Variants in DST observed in about 807,000 individuals in gnomAD.
The protein encoded by DST is dystonin.
Under a neutral mutation model 875.2 loss-of-function variants are expected in DST, and 253 were observed. The ratio of observed to expected loss-of-function variants is 0.29; its 90% CI spans 0.26 to 0.32. The LOEUF (loss-of-function observed/expected upper bound fraction) is 0.32, where lower values mean the gene tolerates loss of function less well. Ranked by LOEUF, DST falls within the 10% of genes least tolerant of loss-of-function variation. The pLI, the probability that DST is intolerant of heterozygous loss-of-function variation, is 1.00. For synonymous variants in DST, 3,124 were observed against 3,197.1 expected, an observed-to-expected ratio of 0.98 and a Z score of 0.77; for missense variants, 8,287 against 9,111.6, an observed-to-expected ratio of 0.91 and a Z score of 3.68.
chr6:56,555,909 C>T (rs1018173079), intron 59 of DST, 69 bp from the exon 60 acceptor site: 2 of 1,352,706 alleles, frequency 1.5e-6, no homozygotes, highest in Non-Finnish European at 1.9e-6. Flanking sequence ...GATTTGGTGT[C>T]CAAACAGACA....
chr6:56,636,802 C>T, intron 22 of DST, 150 bp from the exon 23 acceptor site: 1 of 732,260 alleles, frequency 1.4e-6, no homozygotes, highest in Non-Finnish European at 2.4e-6. Context: ...AGGGCAGTGG[C>T]TGGGCATGGT....
intron 9 of DST, among the ~76,000 whole-genome samples, chr6:56,674,855 C>G (rs1026006384): frequency 6.6e-6 from 1 of 152,174 alleles, no homozygotes; most frequent in East Asian, 1.9e-4. Flanking sequence ...TCTACAGATT[C>G]AATGCAATCC....
intron 66 of DST, 48 bp downstream of exon 66, chr6:56,529,400 T>A: frequency 7.5e-7 from 1 of 1,335,868 alleles, no homozygotes; most frequent in Non-Finnish European, 9.8e-7. Context: ...TAAGAAATAA[T>A]GACAATTGAA....
rs2097800179 is a variant in DST at position 56,573,060 on chromosome 6, A to G, written c.13241T>C (p.Leu4414Ser). 6.5e-7 allele frequency: 1 copy of G among 1,548,688 alleles called. No homozygotes were observed. The highest frequency in any genetic ancestry group is 1.4e-5 in the African/African-American group (1 of 72,308). The change falls in exon 52 of 104, where the codon TTG (leucine) becomes TCG (serine). Residue 4414 changes from leucine (L) to serine (S), a missense_variant. Physicochemically the swap from Leu to Ser is moderately radical, Grantham distance 145. Coordinates refer to ENST00000680361, the MANE Select transcript of DST (RefSeq NM_001374736.1). Reference protein sequence around the residue: ...LQDIISKNIMLEQDIAGRQSS... With the variant: ...LQDIISKNIMSEQDIAGRQSS... ...CTGACGACCTGCAATATCCTGTTCC[A>G]ACATCTAAAATAAACCAAATATTGC...
At chr6:56,787,483 T>C (rs533740067) in intron 4 of DST, among the ~76,000 whole-genome samples, 23 of 152,326 alleles carry the variant, frequency 1.5e-4, no homozygotes, top group African/African-American at 5.5e-4. Context: ...CAAAATAGCT[T>C]GAAGTATTTT....
At position 56,557,334 on chromosome 6, in the gene DST, T is replaced by C. The variant is rs1307688143; in HGVS notation, c.14625A>G (p.Gln4875=). ...LSIDPNMLNT[Q]RQQVQILLQE... ...TAATACTCACCTGCACCTGCTGCCT[T>C]TGTGTGTTTAGCATATTTGGGTCAA... Residue 4875 remains glutamine (Q), a synonymous_variant, in exon 59 of 104, where the codon CAA becomes CAG. Coordinates refer to ENST00000680361, the MANE Select transcript of DST (RefSeq NM_001374736.1). 2 of 1,612,930 alleles carry C rather than the reference T, an allele frequency of 1.2e-6. No individual in the cohort carries two copies. Among genetic ancestry groups the C allele is most frequent in the Non-Finnish European group, 1.7e-6 (2 of 1,179,568 alleles).
At chr6:56,499,430 C>A (rs2073875467) in intron 80 of DST, among the ~76,000 whole-genome samples, 1 of 152,070 alleles carries the variant, frequency 6.6e-6, no homozygotes, top group African/African-American at 2.4e-5. Flanking sequence ...CTCTCAGAAT[C>A]AAAAAGTTAA....
At chr6:56,908,028 C>T (rs1381856400) in intron 2 of DST, among the ~76,000 whole-genome samples, 3 of 151,862 alleles carry the variant, frequency 2.0e-5, no homozygotes, top group Admixed American at 2.0e-4. Context: ...AAGATTGCAC[C>T]ACTGCACTCC....
At chr6:56,916,854 C>G (rs934986861) in intron 2 of DST, among the ~76,000 whole-genome samples, 1 of 149,614 alleles carries the variant, frequency 6.7e-6, no homozygotes, top group African/African-American at 2.5e-5. Flanking sequence ...GCTATTCAGG[C>G]TTTTGGGCTG....
chr6:56,867,865 G>GA (rs1488551196), intron 3 of DST, among the ~76,000 whole-genome samples: 1 of 151,962 alleles, frequency 6.6e-6, no homozygotes, highest in Non-Finnish European at 1.5e-5. Flanking sequence ...TCTCATTTCA[G>GA]AAAAAACTAT....
chr6:56,911,203 G>C (rs1269931749), intron 2 of DST, among the ~76,000 whole-genome samples: 1 of 152,178 alleles, frequency 6.6e-6, no homozygotes, highest in Non-Finnish European at 1.5e-5. Flanking sequence ...GGAAGGGAAG[G>C]AGGAAGGGAG....
intron 50 of DST, among the ~76,000 whole-genome samples, chr6:56,574,562 A>G (rs1370265570): frequency 6.6e-6 from 1 of 152,182 alleles, no homozygotes. Flanking sequence ...AAAGTTTAAC[A>G]GCAGACAAAA....
intron 5 of DST, among the ~76,000 whole-genome samples, chr6:56,727,446 G>A (rs901510707): frequency 1.3e-5 from 2 of 152,170 alleles, no homozygotes; most frequent in African/African-American, 4.8e-5. Flanking sequence ...CACTTCCAAT[G>A]TGAAGATCTG....
chr6:56,604,469 G>A lies in DST; in HGVS notation c.10159C>T (p.Gln3387Ter). 6.2e-7 allele frequency: 1 copy of A among 1,610,724 alleles called. No homozygotes were observed. Among genetic ancestry groups the A allele is most frequent in the South Asian group, 1.1e-5 (1 of 90,878 alleles). ...SACADTKILIQNLIKRITTSQ... is the reference protein window; with the variant it reads ...SACADTKILI ...GTGGTAATCCTTTTAATTAAATTTT[G>A]AATTAAAATTTTAGTGTCTGCACAG... Residue 3387 changes from glutamine (Q) to a stop codon, truncating the protein, a stop_gained, in exon 40 of 104, where the codon CAA becomes TAA. Transcript: ENST00000680361. LOFTEE classifies it high-confidence loss of function.
chr6:56,753,697 T>C (rs2099594628), intron 4 of DST, among the ~76,000 whole-genome samples: 1 of 152,044 alleles, frequency 6.6e-6, no homozygotes, highest in African/African-American at 2.4e-5. Context: ...TCTACTTTAG[T>C]AACCACAGAA....
chr6:56,709,464 G>GA (rs2099354099), intron 5 of DST, among the ~76,000 whole-genome samples: 1 of 152,132 alleles, frequency 6.6e-6, no homozygotes. Context: ...ATTCAACTTT[G>GA]AAGAAAAGAG....
At position 56,606,173 on chromosome 6, in the gene DST, T is replaced by C. The variant is rs776549928; in HGVS notation, c.8455A>G (p.Ile2819Val). Residue 2819 changes from isoleucine (I) to valine (V), a missense_variant, in exon 40 of 104, where the codon ATA becomes GTA. This residue lies in a region of DST where 3,138 missense variants were observed against 3,116.6 expected (regional missense o/e 1.01). Transcript: ENST00000680361. ...DDGIDEEGGG[I>V]RDENGKPRCQ... is the part of the protein sequence containing the mutation. ...CTGGGCTTTCCATTCTCATCTCTTA[T>C]ACCTCCTCCTTCTTCATCAATGCCA... 5.0e-6 allele frequency: 8 copies of C among 1,597,186 alleles called. No homozygotes were observed. Among genetic ancestry groups the C allele is most frequent in the African/African-American group, 2.7e-5 (2 of 74,708 alleles).
At chr6:56,509,562 G>C (rs968374507) in intron 74 of DST, 80 bp downstream of exon 74, 3 of 1,074,586 alleles carry the variant, frequency 2.8e-6, no homozygotes, top group African/African-American at 1.6e-5. Flanking sequence ...GCGGCATTTT[G>C]TTATCCAATT....
chr6:56,630,687 T>C (rs1024704126), intron 30 of DST, among the ~76,000 whole-genome samples: 3 of 152,088 alleles, frequency 2.0e-5, no homozygotes, highest in Admixed American at 1.3e-4. Flanking sequence ...CCAAATTACA[T>C]GCAAAATGTG....
Sources: gnomAD v4.1 joint callset for allele counts (sites outside exome capture counted in the v4.1 genomes callset) on GRCh38, gnomAD v4.1.1 for gene constraint, gnomAD v4.1.1 regional missense constraint, MANE v1.5 for transcripts, NCBI Gene and HGNC (gene_info 2026-07-23, HGNC 2026-07-21) for gene names.